CSGALNACT1: variants seen among roughly 807,000 people sequenced by gnomAD.
CSGALNACT1 encodes chondroitin sulfate N-acetylgalactosaminyltransferase 1.
CSGALNACT1 carries 52 observed loss-of-function variants against 51.0 expected under a neutral mutation model. That is an observed-to-expected ratio of 1.02 (90% CI 0.82 to 1.29). CSGALNACT1 has a LOEUF of 1.29. CSGALNACT1 is among the 50% of genes most tolerant of loss of function. CSGALNACT1 has a pLI of 0.00. For missense variants in CSGALNACT1, 935 were observed against 679.2 expected (o/e 1.38, Z -4.19); for synonymous variants, 341 against 254.4 (o/e 1.34, Z -3.24).
chr8:19,525,127 T>C (rs1299209601), intron 3 of CSGALNACT1, among the ~76,000 whole-genome samples: 1 of 152,224 alleles, frequency 6.6e-6, no homozygotes, highest in African/African-American at 2.4e-5. Flanking sequence ...TTTGTGTTCT[T>C]TGTCCAATAT....
chr8:19,450,236 C>A, intron 5 of CSGALNACT1, among the ~76,000 whole-genome samples: 1 of 53,360 alleles, frequency 1.9e-5, no homozygotes, highest in Non-Finnish European at 3.3e-5. Context: ...GGGGAGGGGG[C>A]AGGGAGGAAG....
At chr8:19,441,247 G>C (rs1483217601) in intron 5 of CSGALNACT1, among the ~76,000 whole-genome samples, 1 of 152,164 alleles carries the variant, frequency 6.6e-6, no homozygotes, top group African/African-American at 2.4e-5. Flanking sequence ...CCAAAAAAGA[G>C]CCTGCATCGC....
chr8:19,725,263 A>T (rs1251354262), intron 1 of CSGALNACT1, among the ~76,000 whole-genome samples: 1 of 152,160 alleles, frequency 6.6e-6, no homozygotes, highest in Non-Finnish European at 1.5e-5. Flanking sequence ...GAGATGGCTG[A>T]GTTTTGGAAG....
intron 5 of CSGALNACT1, among the ~76,000 whole-genome samples, chr8:19,451,635 C>T (rs999367662): frequency 2.6e-5 from 4 of 152,200 alleles, no homozygotes; most frequent in Non-Finnish European, 4.4e-5. Context: ...TTCTGCAGAC[C>T]TAGCCTTCCC....
intron 5 of CSGALNACT1, among the ~76,000 whole-genome samples, chr8:19,447,046 C>T (rs959753785): frequency 1.3e-5 from 2 of 152,204 alleles, no homozygotes; most frequent in African/African-American, 2.4e-5. Context: ...AAAAGCCCTT[C>T]ATGGTCTTTG....
chr8:19,413,167 G>C (rs1255271152), intron 8 of CSGALNACT1, among the ~76,000 whole-genome samples: 1 of 152,168 alleles, frequency 6.6e-6, no homozygotes. Context: ...AACACATTGT[G>C]TCTTCAAGGG....
intron 3 of CSGALNACT1, among the ~76,000 whole-genome samples, chr8:19,534,162 G>A (rs1203435922): frequency 1.6e-4 from 24 of 152,076 alleles, no homozygotes; most frequent in Non-Finnish European, 1.5e-5. Flanking sequence ...ATATTAAGTT[G>A]CATATGAGGC....
intron 4 of CSGALNACT1, among the ~76,000 whole-genome samples, chr8:19,479,649 G>C (rs900066948): frequency 3.3e-5 from 5 of 151,790 alleles, no homozygotes; most frequent in African/African-American, 1.2e-4. Context: ...CAGAATTAAG[G>C]ATGTTCATGC....
At position 19,485,246 on chromosome 8, in the gene CSGALNACT1, G is replaced by T. The variant is rs375284352; in HGVS notation, c.634+19955C>A. 3.0e-4 allele frequency among the ~76,000 whole-genome samples: 46 copies of T among 152,236 alleles called. 1 individual carries two copies. Among genetic ancestry groups the T allele is most frequent in the African/African-American group, 1.0e-3 (42 of 41,550 alleles). ...GGTCAATCACAACACACTCTTGTGT[G>T]TTCGGCACAGGCTGAAATCTACTAA... On this transcript the variant is annotated intron_variant, in intron 4 of 9. Coordinates refer to ENST00000454498, the Ensembl canonical transcript of CSGALNACT1.
chr8:19,420,399 T>A lies in CSGALNACT1; in HGVS notation c.1073A>T (p.Asp358Val), dbSNP rs1297595744. ...TTCAGATGTGAAGTAGATGTCCACA[T>A]CACAGAAAAAGAGAAGGACGTTGCT... is the stretch of plus-strand genomic sequence containing the variant. Residue 358 changes from aspartate (D) to valine (V), a missense_variant, in exon 7 of 10, where the codon GAT becomes GTT. Physicochemically the swap from Asp to Val is radical, Grantham distance 152. Transcript: ENST00000454498. The A allele has an allele frequency of 6.2e-7, 1 of 1,614,110 alleles. No individual in the cohort carries two copies.
At chr8:19,474,754 G>T (rs983444146) in intron 4 of CSGALNACT1, among the ~76,000 whole-genome samples, 8 of 151,834 alleles carry the variant, frequency 5.3e-5, no homozygotes, top group African/African-American at 1.7e-4. Flanking sequence ...TGTAATCCCA[G>T]CTACTCAGGA....
intron 3 of CSGALNACT1, among the ~76,000 whole-genome samples, chr8:19,559,903 T>C (rs1410119688): frequency 6.6e-6 from 1 of 152,136 alleles, no homozygotes; most frequent in Non-Finnish European, 1.5e-5. Flanking sequence ...AAGTTGATTG[T>C]AAAATTGCAT....
intron 1 of CSGALNACT1, among the ~76,000 whole-genome samples, chr8:19,756,290 A>G (rs1001588925): frequency 2.0e-5 from 3 of 152,160 alleles, no homozygotes; most frequent in Non-Finnish European, 2.9e-5. Context: ...TAATGACGTT[A>G]AGTAAAAACT....
intron 4 of CSGALNACT1, among the ~76,000 whole-genome samples, chr8:19,465,038 A>T (rs1328213916): frequency 6.6e-6 from 1 of 152,236 alleles, no homozygotes; most frequent in Non-Finnish European, 1.5e-5. Flanking sequence ...ACAGATACTT[A>T]TGAACTCATG....
chr8:19,609,692 C>T (rs780685278), intron 1 of CSGALNACT1, among the ~76,000 whole-genome samples: 9 of 152,076 alleles, frequency 5.9e-5, no homozygotes, highest in Non-Finnish European at 1.3e-4. Flanking sequence ...CCCAGAGAAG[C>T]AGGAGGGTCA....
intron 6 of CSGALNACT1, among the ~76,000 whole-genome samples, chr8:19,432,048 G>A (rs1305907582): frequency 6.6e-6 from 1 of 152,094 alleles, no homozygotes; most frequent in East Asian, 1.9e-4. Context: ...ATTTGCCTAT[G>A]TAGTTACTTC....
chr8:19,448,690 G>T (rs916506142), intron 5 of CSGALNACT1, among the ~76,000 whole-genome samples: 1 of 152,168 alleles, frequency 6.6e-6, no homozygotes, highest in Non-Finnish European at 1.5e-5. Flanking sequence ...AAGGGCAGAG[G>T]CAGGGCTTTC....
chr8:19,753,207 C>A (rs2065149840), intron 1 of CSGALNACT1, among the ~76,000 whole-genome samples: 1 of 152,114 alleles, frequency 6.6e-6, no homozygotes, highest in African/African-American at 2.4e-5. Context: ...TCTCTATAAC[C>A]TTTTCATGTG....
chr8:19,703,220 A>C (rs996304978), intron 1 of CSGALNACT1, among the ~76,000 whole-genome samples: 18 of 152,146 alleles, frequency 1.2e-4, no homozygotes, highest in Admixed American at 1.2e-3. Context: ...CTTGTTCAGA[A>C]GGAGCCATTG....
Sources: allele counts gnomAD v4.1 joint callset (sites outside exome capture counted in the v4.1 genomes callset), GRCh38; gene constraint gnomAD v4.1.1; transcripts MANE v1.5; gene names NCBI Gene and HGNC (gene_info 2026-07-23, HGNC 2026-07-21).